TEP1: variants seen among roughly 807,000 people sequenced by gnomAD.
TEP1 encodes the protein telomerase associated protein 1, also known as telomerase protein component 1.
In TEP1, 241 loss-of-function variants were observed where a neutral mutation model predicts 306.3. The observed-to-expected ratio is 0.79, with a 90% CI of 0.71 to 0.88. TEP1 has a LOEUF of 0.88. Among genes scored for constraint, TEP1 ranks in the 40% least tolerant of loss-of-function variants. TEP1 has a pLI of 0.00. For synonymous variants in TEP1, 1,289 were observed against 1,305.5 expected, an observed-to-expected ratio of 0.99 and a Z score of 0.27; for missense variants, 3,051 against 3,276.1, an observed-to-expected ratio of 0.93 and a Z score of 1.68.
In TEP1 at chr14:20,380,365, G is replaced by T; in HGVS notation, c.4873C>A (p.Pro1625Thr). 1 of 1,614,236 alleles carries T rather than the reference G, an allele frequency of 6.2e-7. No individual in the cohort carries two copies. The highest frequency in any genetic ancestry group is 1.1e-5 in the South Asian group (1 of 91,088). ...SILSQYPRLLPQQAANQPLDS... is the reference protein window; with the variant it reads ...SILSQYPRLLTQQAANQPLDS... ...AGGGGCTGGTTGGCTGCCTGCTGGG[G>T]CAGGAGCCGGGGGTACTGGCTGAGG... Residue 1625 changes from proline to threonine, a missense_variant, in exon 34 of 55, where the codon CCC (proline) becomes ACC (threonine). By Grantham distance (38) the Pro-to-Thr change is conservative. Around this residue, in one of 3 missense-constraint regions of TEP1, gnomAD observed 1,540 missense variants for 1,705.9 expected, o/e 0.90. Transcript: ENST00000262715.
At chr14:20,403,528 C>T in intron 6 of TEP1, 80 bp from the exon 7 acceptor site, 1 of 1,600,030 alleles carries the variant, frequency 6.2e-7, no homozygotes, top group Non-Finnish European at 8.5e-7. Flanking sequence ...CCTGAAGGTG[C>T]ATCTCTACCA....
rs1177432495 is a variant in TEP1, at chr14:20,395,443, T to C, written c.1928+7A>G. 3 of 1,583,936 alleles carry C rather than the reference T, an allele frequency of 1.9e-6. No individual in the cohort carries two copies. The highest frequency in any genetic ancestry group is 3.4e-5 in the Admixed American group (2 of 59,424). ...CCACCCTTGGCTCCCAGACAGTGCA[T>C]ACATACCTGGCCTTGTGTACTCTCA... On this transcript the variant is annotated splice_region_variant and intron_variant, in intron 12 of 54. Transcript: ENST00000262715.
intron 41 of TEP1, 45 bp downstream of exon 41, chr14:20,377,235 G>C: frequency 7.1e-7 from 1 of 1,406,122 alleles, no homozygotes; most frequent in Non-Finnish European, 9.7e-7. Context: ...AAAAAGAAAA[G>C]AAAAGAACAG....
At chr14:20,402,525 T>C (rs1378435025) in intron 7 of TEP1, among the ~76,000 whole-genome samples, 2 of 152,198 alleles carry the variant, frequency 1.3e-5, no homozygotes, top group African/African-American at 4.8e-5. Flanking sequence ...CTTCCAGGAA[T>C]TGTTAGAAAT....
chr14:20,367,671 G>C lies in TEP1; in HGVS notation c.*766C>G, dbSNP rs959151244. ...CTGTTGCCCAGGCTGGAGTGCAGTGGTGTCTCGGCTCACTGCAAGCTCCGC... is the reference window on the plus strand; with the variant it reads ...CTGTTGCCCAGGCTGGAGTGCAGTGCTGTCTCGGCTCACTGCAAGCTCCGC... On this transcript the variant is annotated 3_prime_UTR_variant, in exon 55 of 55. Coordinates refer to ENST00000262715, the MANE Select transcript of TEP1 (RefSeq NM_007110.5). 6.6e-6 allele frequency: 1 copy of C among 152,030 alleles called. No individual in the cohort carries two copies. Among genetic ancestry groups the C allele is most frequent in the Non-Finnish European group, 1.5e-5 (1 of 68,522 alleles). The allele number at this position is 152,030 out of a possible 1,614,324, so 9.4% of individuals were successfully genotyped here. A position where few individuals can be genotyped will look rare whatever the true frequency, so the allele number is the denominator to read the frequency against.
chr14:20,384,659 T>A lies in TEP1; in HGVS notation c.3162A>T (p.Ala1054=). 6.2e-7 allele frequency: 1 copy of A among 1,613,726 alleles called. No homozygotes were observed. The change falls in exon 22 of 55, where the codon GCA becomes GCT. Residue 1054 remains alanine (A), a synonymous_variant. Transcript: ENST00000262715. ...SDFVSESEEA[A]RRISELKSYL... ...AGCTCTTCAGTTCTGAGATCCGACG[T>A]GCGGCCTCTTCAGACTCAGAAACAA... is the stretch of plus-strand genomic sequence containing the variant.
intron 9 of TEP1, among the ~76,000 whole-genome samples, chr14:20,398,309 C>T (rs1174669222): frequency 6.8e-6 from 1 of 146,264 alleles, no homozygotes; most frequent in Non-Finnish European, 1.5e-5. Context: ...ACCTGGGAGG[C>T]GGAGGTTGAA....
chr14:20,400,951 AAGG>A, intron 9 of TEP1, 30 bp downstream of exon 9: 1 of 1,604,594 alleles, frequency 6.2e-7, no homozygotes, highest in Non-Finnish European at 8.5e-7. Context: ...TGGGGAAGAG[AAGG>A]AGGGAATGTG....
chr14:20,384,552 C>G, intron 22 of TEP1, 44 bp from the exon 23 acceptor site: 1 of 1,613,514 alleles, frequency 6.2e-7, no homozygotes, highest in Non-Finnish European at 8.5e-7. Context: ...AGGCCCGGCT[C>G]CTCTCACCAC....
At chr14:20,410,047 A>T (rs141742706) in intron 1 of TEP1, among the ~76,000 whole-genome samples, 7,855 of 136,966 alleles carry the variant, frequency 0.057, 511 homozygotes, top group Admixed American at 0.11. Context: ...AAAAAAAAAA[A>T]AAAAAAAAAT....
chr14:20,381,608 T>A lies in TEP1; in HGVS notation c.4503A>T (p.Lys1501Asn), dbSNP rs1362274277. The A allele has an allele frequency of 6.2e-7, 1 of 1,613,924 alleles. No individual in the cohort carries two copies. Among genetic ancestry groups the A allele is most frequent in the Non-Finnish European group, 8.5e-7 (1 of 1,179,980 alleles). Residue 1501 changes from lysine (K) to asparagine (N), a missense_variant, in exon 31 of 55, where the codon AAA becomes AAT. This residue lies in a region of TEP1 where 1,540 missense variants were observed against 1,705.9 expected (regional missense o/e 0.90). Coordinates refer to ENST00000262715, the MANE Select transcript of TEP1 (RefSeq NM_007110.5). This position sits in a 1 kb window ranked among gnomAD's most constrained non-coding sequence, Gnocchi z 4.0. ...GCCCTGGCCTCTTCCCATAGCAACG[T>A]TTAGCTGCTGTTCTCAGGGGCCCAT... ...LPDGPLRTAA[K>N]RCYGKRPGLE... is the part of the protein sequence containing the mutation.
chr14:20,368,713 T>C, intron 54 of TEP1, 85 bp downstream of exon 54: 1 of 1,538,636 alleles, frequency 6.5e-7, no homozygotes, highest in Non-Finnish European at 8.9e-7. Context: ...CCTTTCTTAC[T>C]CTAAGTTTGC....
At chr14:20,383,451 G>A in intron 26 of TEP1, 37 bp downstream of exon 26, 1 of 1,613,512 alleles carries the variant, frequency 6.2e-7, no homozygotes. Context: ...CTTCTCCCCA[G>A]CCTGCCTCCC....
chr14:20,373,436 G>C (rs1395055762), intron 46 of TEP1, 34 bp from the exon 47 acceptor site: 1 of 1,614,034 alleles, frequency 6.2e-7, no homozygotes, highest in South Asian at 1.1e-5. Flanking sequence ...GCTCATGAGA[G>C]TGGGCACAAC....
At chr14:20,408,506 G>A in intron 1 of TEP1, 43 bp from the exon 2 acceptor site, 3 of 1,480,790 alleles carry the variant, frequency 2.0e-6, no homozygotes, top group Non-Finnish European at 2.7e-6. Flanking sequence ...TGGCTGCACT[G>A]AGCGTGTATT....
In TEP1 at chr14:20,369,388, C is replaced by T; in HGVS notation, c.7612G>A (p.Asp2538Asn). 2 of 1,613,878 alleles carry T rather than the reference C, an allele frequency of 1.2e-6. No homozygotes were observed. The highest frequency in any genetic ancestry group is 8.5e-7 in the Non-Finnish European group (1 of 1,179,912). Residue 2538 changes from aspartate to asparagine, a missense_variant, in exon 53 of 55, where the codon GAT becomes AAT. Physicochemically the swap from Asp to Asn is conservative, Grantham distance 23. This residue lies in a region of TEP1 where 1,540 missense variants were observed against 1,705.9 expected (regional missense o/e 0.90). Transcript: ENST00000262715. ...TTTAGATGTGGTGTTGGCTCACTAT[C>T]CATGCTGGCATCACTATCCATGCTG... is the stretch of plus-strand genomic sequence containing the variant. ...DASMDSDASMDSEPTPHLKTR... is the reference protein window; with the variant it reads ...DASMDSDASMNSEPTPHLKTR...
chr14:20,368,387 G>T lies in TEP1; in HGVS notation c.*50C>A, dbSNP rs542340471. ...TATTAAAAGCTACCAGTGTCTTCAGGCTTTGCATCTCTAGCACAAGGGGTA... is the reference window on the plus strand; with the variant it reads ...TATTAAAAGCTACCAGTGTCTTCAGTCTTTGCATCTCTAGCACAAGGGGTA... On this transcript the variant is annotated 3_prime_UTR_variant, in exon 55 of 55. Coordinates refer to ENST00000262715, the MANE Select transcript of TEP1 (RefSeq NM_007110.5). The T allele has an allele frequency of 5.7e-6, 9 of 1,590,602 alleles. No homozygotes were observed. Among genetic ancestry groups the T allele is most frequent in the Non-Finnish European group, 4.3e-6 (5 of 1,161,744 alleles).
chr14:20,383,378 G>T (rs1876771359), intron 26 of TEP1, 25 bp from the exon 27 acceptor site: 1 of 1,600,814 alleles, frequency 6.2e-7, no homozygotes, highest in African/African-American at 1.3e-5. Context: ...CAAAGGGGCA[G>T]GAAGGTAGAA....
Position 20,373,319 on chromosome 14 carries a change from G to C in TEP1, c.6765C>G (p.Thr2255=). Residue 2255 remains threonine (T), a synonymous_variant, in exon 47 of 55, where the codon ACC becomes ACG. Coordinates refer to ENST00000262715, the MANE Select transcript of TEP1 (RefSeq NM_007110.5). ...GCCGTACAGAACCATCCTCAGAGGC[G>C]GTCAGCATGAGGCCTGAGGTTTCTG... ...AVSETSGLML[T]ASEDGSVRLW... 1.2e-6 allele frequency: 2 copies of C among 1,614,168 alleles called. No homozygotes were observed. The highest frequency in any genetic ancestry group is 1.7e-6 in the Non-Finnish European group (2 of 1,180,032).
Sources: allele counts gnomAD v4.1 joint callset (sites outside exome capture counted in the v4.1 genomes callset), GRCh38; gene constraint gnomAD v4.1.1; regional missense constraint gnomAD v4.1.1; non-coding constraint Gnocchi (gnomAD v3.1); transcripts MANE v1.5; gene names NCBI Gene and HGNC (gene_info 2026-07-23, HGNC 2026-07-21).